The following HYCC2 variants were observed in gnomAD, a reference collection of about 807,000 sequenced individuals.
HYCC2 encodes hyccin PI4KA lipid kinase complex subunit 2, also known as hyccin 2.
At chr2:201,016,392 G>A in the HYCC2 span, among the ~76,000 whole-genome samples, 4,325 of 151,938 alleles carry the variant, frequency 0.028, 219 homozygotes, top group African/African-American at 0.099. Flanking sequence ...CGGCTCCAGA[G>A]ATCTTCCCAT....
the HYCC2 span, chr2:201,011,562 G>A: frequency 1.4e-6 from 1 of 695,338 alleles, no homozygotes; most frequent in Non-Finnish European, 2.2e-6. Context: ...ATATATGATT[G>A]GCAGTAGGAA....
the HYCC2 span, among the ~76,000 whole-genome samples, chr2:201,016,792 G>C: frequency 6.6e-6 from 1 of 152,042 alleles, no homozygotes; most frequent in East Asian, 1.9e-4. Flanking sequence ...TAGAGACGGA[G>C]TCTCACCATG....
chr2:201,029,947 T>C, the HYCC2 span, among the ~76,000 whole-genome samples: 2 of 152,234 alleles, frequency 1.3e-5, no homozygotes, highest in African/African-American at 4.8e-5. Flanking sequence ...ATTAGCTGGA[T>C]ATAGTCATGC....
the HYCC2 span, among the ~76,000 whole-genome samples, chr2:201,050,231 C>A: frequency 6.6e-6 from 1 of 150,628 alleles, no homozygotes. Context: ...AAAAAAATTC[C>A]CCCCAAAACA....
At chr2:201,010,470 T>C in the HYCC2 span, among the ~76,000 whole-genome samples, 7 of 152,234 alleles carry the variant, frequency 4.6e-5, no homozygotes, top group East Asian at 1.9e-4. Flanking sequence ...AAGTTTCTTA[T>C]TGGATTTTAC....
the HYCC2 span, among the ~76,000 whole-genome samples, chr2:201,027,472 G>A: frequency 6.6e-6 from 1 of 152,118 alleles, no homozygotes; most frequent in African/African-American, 2.4e-5. Flanking sequence ...TATGAGGCCA[G>A]CATCATCCTG....
At chr2:201,045,195 A>T in the HYCC2 span, among the ~76,000 whole-genome samples, 1 of 152,232 alleles carries the variant, frequency 6.6e-6, no homozygotes, top group East Asian at 1.9e-4. Context: ...GAATATAGCC[A>T]TCATCAAAGA....
the HYCC2 span, among the ~76,000 whole-genome samples, chr2:201,037,828 A>G: frequency 6.6e-6 from 1 of 152,186 alleles, no homozygotes; most frequent in African/African-American, 2.4e-5. Flanking sequence ...GGACATAGGC[A>G]TGGGCAAGGA....
the HYCC2 span, among the ~76,000 whole-genome samples, chr2:201,010,292 AAT>A: frequency 6.6e-6 from 1 of 152,192 alleles, no homozygotes; most frequent in Non-Finnish European, 1.5e-5. Flanking sequence ...CCACGGAATT[AAT>A]TAAGCAAATT....
the HYCC2 span, among the ~76,000 whole-genome samples, chr2:201,019,083 T>G: frequency 5.3e-5 from 8 of 152,192 alleles, no homozygotes; most frequent in African/African-American, 1.9e-4. Flanking sequence ...TGCTGGCATC[T>G]TTCTTAAATA....
the HYCC2 span, among the ~76,000 whole-genome samples, chr2:201,055,906 T>C: frequency 1.3e-5 from 2 of 151,098 alleles, no homozygotes; most frequent in African/African-American, 2.4e-5. Flanking sequence ...AAAATAAAAA[T>C]AGCTGGGCAC....
chr2:201,045,603 AT>A, the HYCC2 span: 1 of 397,746 alleles, frequency 2.5e-6, no homozygotes, highest in Non-Finnish European at 4.4e-6. Context: ...TCTATAAAAA[AT>A]AAAAATAGAA....
At chr2:201,036,241 G>A in the HYCC2 span, among the ~76,000 whole-genome samples, 1 of 152,108 alleles carries the variant, frequency 6.6e-6, no homozygotes, top group Admixed American at 6.5e-5. Flanking sequence ...TGAAATTGAG[G>A]CAATAATTAA....
the HYCC2 span, among the ~76,000 whole-genome samples, chr2:200,999,398 T>G: frequency 6.6e-6 from 1 of 152,062 alleles, no homozygotes; most frequent in Non-Finnish European, 1.5e-5. Flanking sequence ...CACTTTTTTT[T>G]TTTTGAGACA....
At chr2:201,010,950 G>A in the HYCC2 span, among the ~76,000 whole-genome samples, 1 of 151,882 alleles carries the variant, frequency 6.6e-6, no homozygotes. Flanking sequence ...TTCAAGATCA[G>A]CCTGGCCAAC....
the HYCC2 span, among the ~76,000 whole-genome samples, chr2:201,071,279 G>A: frequency 5.7e-3 from 873 of 152,144 alleles, 12 homozygotes; most frequent in East Asian, 0.02. Context: ...GGGGCTTTGT[G>A]CAAAGAATCC....
At chr2:200,994,632 A>G in the HYCC2 span, among the ~76,000 whole-genome samples, 2 of 152,202 alleles carry the variant, frequency 1.3e-5, no homozygotes, top group Non-Finnish European at 2.9e-5. Flanking sequence ...GTTTTTCAAA[A>G]TTCTGTAGAG....
chr2:200,974,406 C>T, the HYCC2 span: 4 of 151,942 alleles, frequency 2.6e-5, no homozygotes, highest in African/African-American at 4.8e-5. Context: ...ATAATTTTTG[C>T]ACCCTAAAAA....
the HYCC2 span, among the ~76,000 whole-genome samples, chr2:201,066,441 C>T: frequency 6.6e-6 from 1 of 152,184 alleles, no homozygotes; most frequent in African/African-American, 2.4e-5. Flanking sequence ...TACTCTCTCC[C>T]ATCCCCACAC....
Sources: gnomAD v4.1 joint callset for allele counts (sites outside exome capture counted in the v4.1 genomes callset) on GRCh38, gnomAD v4.1.1 for gene constraint, MANE v1.5 for transcripts, NCBI Gene and HGNC (gene_info 2026-07-23, HGNC 2026-07-21) for gene names.